NRG1: variants seen among roughly 807,000 people sequenced by gnomAD.
NRG1 encodes the protein neuregulin 1, also known as pro-neuregulin-1, membrane-bound isoform.
A neutral mutation model predicts 63.8 loss-of-function variants in NRG1; 18 were observed. The observed-to-expected ratio is 0.28, with a 90% CI of 0.19 to 0.42. The LOEUF (loss-of-function observed/expected upper bound fraction) is 0.42. Among genes scored for constraint, NRG1 ranks in the 10% least tolerant of loss-of-function variants. The pLI is 1.00. For synonymous variants in NRG1, 302 were observed against 301.3 expected, an observed-to-expected ratio of 1.00 and a Z score of -0.02; for missense variants, 762 against 814.7, an observed-to-expected ratio of 0.94 and a Z score of 0.79.
At chr8:32,507,174 G>GA (rs72586964) in intron 1 of NRG1, among the ~76,000 whole-genome samples, 112,784 of 151,986 alleles carry the variant, frequency 0.74, 42,118 homozygotes, top group East Asian at 0.89. Flanking sequence ...GAAGTACAAA[G>GA]ATGGAGCATG....
chr8:32,345,686 A>G (rs112105782), intron 1 of NRG1, among the ~76,000 whole-genome samples: 1 of 152,140 alleles, frequency 6.6e-6, no homozygotes, highest in Admixed American at 6.6e-5. Flanking sequence ...TCAAAAGTAT[A>G]TGGCCAGGTG....
In NRG1 at chr8:32,609,637, CTCTG is replaced by C. The variant is rs1176454245; in HGVS notation, c.400+3962_400+3965del. On this transcript the variant is annotated intron_variant, in intron 3 of 11. Transcript: ENST00000356819. ...TTCCTTCCTTTCCCTCCCTCCCTCC[CTCTG>C]TCTGTCTCTCTCTCTCTTTCCTTTT... 4.1e-3 allele frequency among the ~76,000 whole-genome samples: 544 copies of C among 133,336 alleles called. 2 individuals carry two copies. The highest frequency in any genetic ancestry group is 6.3e-3 in the Non-Finnish European group (393 of 62,680). 87.5% of individuals were successfully genotyped at this position (133,336 alleles called of 152,430 possible).
At chr8:32,162,880 T>C (rs1020708321) in intron 1 of NRG1, among the ~76,000 whole-genome samples, 2 of 152,152 alleles carry the variant, frequency 1.3e-5, no homozygotes, top group African/African-American at 4.8e-5. Context: ...TTAGACTTCA[T>C]TCCCATCGAG....
Position 31,847,226 on chromosome 8 carries a change from A to G in NRG1, c.37+207795A>G, listed in dbSNP as rs957515392. Reference sequence around the variant, plus strand: ...TCAAGATTATTTTTAACTTATGCCAACAACATATTAAATATCCTTTCCATC... The same window carrying G: ...TCAAGATTATTTTTAACTTATGCCAGCAACATATTAAATATCCTTTCCATC... On this transcript the variant is annotated intron_variant, in intron 1 of 10. Transcript: ENST00000519301. Among the ~76,000 whole-genome samples, 39 of 152,342 alleles carry G rather than the reference A, an allele frequency of 2.6e-4. 1 individual carries two copies. Among genetic ancestry groups the G allele is most frequent in the East Asian group, 3.9e-4 (2 of 5,186 alleles).
Position 32,548,487 on chromosome 8 carries a change from C to T in NRG1, c.-240C>T, listed in dbSNP as rs1833392848. 5.0e-6 allele frequency: 6 copies of T among 1,199,288 alleles called. No homozygotes were observed. In the South Asian group the frequency reaches 1.1e-4, roughly 22 times the overall value. 74.3% of individuals were successfully genotyped at this position (1,199,288 alleles called of 1,614,324 possible). On this transcript the variant is annotated 5_prime_UTR_variant, in exon 1 of 12. Transcript: ENST00000356819. ...GGGACCCATCGACGACTTCCCGGGG[C>T]GACAGGAGCAGCCCCGAGAGCCAGG...
intron 1 of NRG1, among the ~76,000 whole-genome samples, chr8:32,263,515 C>T (rs1367651533): frequency 6.6e-6 from 1 of 152,162 alleles, no homozygotes; most frequent in African/African-American, 2.4e-5. Context: ...TTTGTTATCT[C>T]TTTTCCTTCT....
At chr8:32,171,606 G>A (rs149588952) in intron 1 of NRG1, 4,118 of 152,516 alleles carry the variant, frequency 0.027, 91 homozygotes, top group Middle Eastern at 0.068. Flanking sequence ...GTCAAAGAAA[G>A]GGGTGACAGA....
chr8:32,242,555 G>A (rs1848211313), intron 1 of NRG1, among the ~76,000 whole-genome samples: 1 of 152,146 alleles, frequency 6.6e-6, no homozygotes, highest in Non-Finnish European at 1.5e-5. Context: ...TCAAATAGTG[G>A]CGGTGAAGAT....
chr8:32,218,839 C>A (rs1242866844), intron 1 of NRG1, among the ~76,000 whole-genome samples: 1 of 152,296 alleles, frequency 6.6e-6, no homozygotes, highest in Non-Finnish European at 1.5e-5. Context: ...TAGTAACCAT[C>A]CTTCATTTAT....
At chr8:32,434,184 C>CAAAATAAAATAAAATAAAATAAAAT (rs71208182) in intron 1 of NRG1, among the ~76,000 whole-genome samples, 1 of 146,338 alleles carries the variant, frequency 6.8e-6, no homozygotes, top group African/African-American at 2.5e-5. Context: ...GACTCCATCT[C>CAAAATAAAATAAAATAAAATAAAAT]AAAATAAAAT....
At chr8:32,442,964 C>T (rs1405824400) in intron 1 of NRG1, among the ~76,000 whole-genome samples, 4 of 151,338 alleles carry the variant, frequency 2.6e-5, no homozygotes, top group Non-Finnish European at 5.9e-5. Context: ...GGGTCTTGCT[C>T]TATCACCCAG....
intron 1 of NRG1, among the ~76,000 whole-genome samples, chr8:32,384,898 T>C (rs1304686447): frequency 6.6e-6 from 1 of 152,204 alleles, no homozygotes; most frequent in Non-Finnish European, 1.5e-5. Context: ...CAATAGCAAT[T>C]CTATTCTCCT....
At chr8:31,657,825 T>G (rs1242824683) in intron 1 of NRG1, among the ~76,000 whole-genome samples, 1 of 152,230 alleles carries the variant, frequency 6.6e-6, no homozygotes, top group African/African-American at 2.4e-5. Flanking sequence ...ATGCAGCTGC[T>G]GGGAGGCAGA....
intron 1 of NRG1, among the ~76,000 whole-genome samples, chr8:32,102,469 G>T (rs1830701651): frequency 6.6e-6 from 1 of 152,202 alleles, no homozygotes; most frequent in African/African-American, 2.4e-5. Flanking sequence ...TAGGTGCTAA[G>T]TAATACAAAA....
At chr8:31,838,146 A>G (rs183033852) in intron 1 of NRG1, among the ~76,000 whole-genome samples, 1 of 152,198 alleles carries the variant, frequency 6.6e-6, no homozygotes, top group East Asian at 1.9e-4. Flanking sequence ...CGATTTTAAT[A>G]TATTTGGAAT....
intron 1 of NRG1, among the ~76,000 whole-genome samples, chr8:32,348,611 C>A (rs1805206146): frequency 6.6e-6 from 1 of 152,148 alleles, no homozygotes; most frequent in Non-Finnish European, 1.5e-5. Context: ...CTTACTTACT[C>A]AATTGTATAG....
intron 1 of NRG1, among the ~76,000 whole-genome samples, chr8:31,876,926 C>T (rs537832472): frequency 1.1e-4 from 17 of 152,284 alleles, no homozygotes; most frequent in African/African-American, 3.6e-4. Context: ...CTTAAGTACA[C>T]GCTGAGATGA....
intron 1 of NRG1, among the ~76,000 whole-genome samples, chr8:32,444,908 CTG>C (rs1820052419): frequency 6.6e-6 from 1 of 152,164 alleles, no homozygotes; most frequent in South Asian, 2.1e-4. Flanking sequence ...CTTTAAATGT[CTG>C]TGATTGATTT....
chr8:32,201,622 A>G (rs1212919230), intron 1 of NRG1, among the ~76,000 whole-genome samples: 1 of 152,224 alleles, frequency 6.6e-6, no homozygotes, highest in Admixed American at 6.5e-5. Flanking sequence ...ATGTTGTGGT[A>G]AGAGTTAGAG....
Sources: gnomAD v4.1 joint callset for allele counts (sites outside exome capture counted in the v4.1 genomes callset) on GRCh38, gnomAD v4.1.1 for gene constraint, MANE v1.5 for transcripts, NCBI Gene and HGNC (gene_info 2026-07-23, HGNC 2026-07-21) for gene names.